Variants in ANKFN1 observed in about 807,000 individuals in gnomAD.
The protein encoded by ANKFN1 is ankyrin repeat and fibronectin type III domain containing 1.
ANKFN1 carries 74 observed loss-of-function variants against 108.7 expected under a neutral mutation model. The observed-to-expected ratio is 0.68, with a 90% CI of 0.56 to 0.83. The LOEUF (loss-of-function observed/expected upper bound fraction) is 0.83. Among genes scored for constraint, ANKFN1 ranks in the 40% least tolerant of loss-of-function variants. ANKFN1 has a pLI of 0.00. For synonymous variants in ANKFN1, 547 were observed against 516.2 expected (o/e 1.06, Z -0.81); for missense variants, 1,505 against 1,382.3 (o/e 1.09, Z -1.41).
At chr17:56,098,825 A>G (rs1367292722) in intron 4 of ANKFN1, among the ~76,000 whole-genome samples, 2 of 151,860 alleles carry the variant, frequency 1.3e-5, no homozygotes, top group Non-Finnish European at 2.9e-5. Context: ...TGCTGCCGAG[A>G]GTAAATCTCT....
At chr17:56,077,121 G>C (rs1276853664) in intron 4 of ANKFN1, among the ~76,000 whole-genome samples, 1 of 152,190 alleles carries the variant, frequency 6.6e-6, no homozygotes, top group African/African-American at 2.4e-5. Flanking sequence ...GTGTGAGGCA[G>C]GTAGATAATA....
At chr17:56,491,658 C>A (rs1181456434) in intron 18 of ANKFN1, among the ~76,000 whole-genome samples, 1 of 152,120 alleles carries the variant, frequency 6.6e-6, no homozygotes, top group East Asian at 1.9e-4. Context: ...AGGATCAAAG[C>A]CTATCATAAT....
At chr17:56,174,707 T>C (rs944170696) in intron 1 of ANKFN1, among the ~76,000 whole-genome samples, 3 of 152,202 alleles carry the variant, frequency 2.0e-5, no homozygotes, top group Non-Finnish European at 4.4e-5. Context: ...CTCTCAAATC[T>C]ATTCACTGAC....
chr17:56,367,957 C>G lies in ANKFN1; in HGVS notation c.602-4689C>G, dbSNP rs759475806. ...TTCTATTTGGTTTAGAGAAAATCCA[C>G]CGAGTTCTTTAAGGTTTAGATGAAG... On this transcript the variant is annotated intron_variant, in intron 6 of 20. Coordinates refer to ENST00000682825, the MANE Select transcript of ANKFN1 (RefSeq NM_001370326.1). 3.9e-5 allele frequency: 8 copies of G among 205,606 alleles called. 1 individual carries two copies. In the South Asian group the frequency reaches 8.6e-4, roughly 22 times the overall value. 12.7% of individuals were successfully genotyped at this position (205,606 alleles called of 1,614,324 possible).
chr17:56,226,017 A>T (rs1476566639), intron 2 of ANKFN1, among the ~76,000 whole-genome samples: 1 of 152,214 alleles, frequency 6.6e-6, no homozygotes, highest in Non-Finnish European at 1.5e-5. Flanking sequence ...TCAGTAGGTG[A>T]GAATGTTCCA....
chr17:56,334,756 G>C (rs537749636), intron 4 of ANKFN1, among the ~76,000 whole-genome samples: 1 of 152,038 alleles, frequency 6.6e-6, no homozygotes, highest in African/African-American at 2.4e-5. Flanking sequence ...TGTTATATCA[G>C]AGCCATACTT....
rs3086033 is a variant in ANKFN1 at position 56,280,008 on chromosome 17, C to CTTTTT, written c.54-46201_54-46197dup. Among the ~76,000 whole-genome samples the CTTTTT allele has an allele frequency of 1.4e-3, 189 of 134,854 alleles. 5 individuals carry two copies. Among genetic ancestry groups the CTTTTT allele is most frequent in the African/African-American group, 5.3e-3 (182 of 34,070 alleles). The allele number at this position is 134,854 out of a possible 152,430, so 88.5% of individuals were successfully genotyped here. A position where few individuals can be genotyped will look rare whatever the true frequency, so the allele number is the denominator to read the frequency against. ...TTTCAGGTTGGGAGCCACATAATGTCTTTTTTTTTTTTTTTTCTCAAGACG... is the reference window on the plus strand; with the variant it reads ...TTTCAGGTTGGGAGCCACATAATGTCTTTTTTTTTTTTTTTTTTTTTCTCAAGACG... On this transcript the variant is annotated intron_variant, in intron 3 of 20. Transcript: ENST00000682825.
chr17:56,398,227 G>A (rs1406675111), intron 8 of ANKFN1, among the ~76,000 whole-genome samples: 2 of 152,096 alleles, frequency 1.3e-5, no homozygotes, highest in African/African-American at 4.8e-5. Context: ...CTGGCACTTG[G>A]TACATGATAC....
intron 3 of ANKFN1, among the ~76,000 whole-genome samples, chr17:56,268,980 C>T (rs1395727088): frequency 3.3e-5 from 5 of 152,158 alleles, no homozygotes; most frequent in African/African-American, 1.2e-4. Context: ...TTCTTTGTGA[C>T]ATTTCCACTG....
intron 4 of ANKFN1, among the ~76,000 whole-genome samples, chr17:56,052,023 C>T (rs995685185): frequency 6.9e-6 from 1 of 145,418 alleles, no homozygotes. Flanking sequence ...CAATGCCATC[C>T]CCATCAAGCT....
chr17:56,248,011 A>T (rs2043156076), intron 3 of ANKFN1, among the ~76,000 whole-genome samples: 1 of 152,228 alleles, frequency 6.6e-6, no homozygotes, highest in Non-Finnish European at 1.5e-5. Flanking sequence ...ACACATTGTC[A>T]TTTCAGAAGA....
At chr17:56,477,709 C>T (rs1362483523) in intron 16 of ANKFN1, 55 bp downstream of exon 16, 1 of 1,566,268 alleles carries the variant, frequency 6.4e-7, no homozygotes, top group African/African-American at 1.4e-5. Context: ...CTCAAGTGAC[C>T]AGCTTGATGT....
chr17:56,478,333 A>G (rs2050580037), intron 16 of ANKFN1, among the ~76,000 whole-genome samples: 1 of 152,144 alleles, frequency 6.6e-6, no homozygotes, highest in South Asian at 2.1e-4. Flanking sequence ...TAAAACAGCC[A>G]TGTTCTTTTT....
At position 56,442,903 on chromosome 17, in the gene ANKFN1, A is replaced by T; in HGVS notation, c.1069A>T (p.Thr357Ser). 1 of 1,613,804 alleles carries T rather than the reference A, an allele frequency of 6.2e-7. No individual in the cohort carries two copies. ...TATGAAAGGATGGGGACCTGCTCAG[A>T]CCACGACACCGGCATGTGCCTCTCC... Reference protein sequence around the residue: ...YNMKGWGPAQTTTPACASPSN... With the variant: ...YNMKGWGPAQSTTPACASPSN... The change falls in exon 10 of 21, where the codon ACC becomes TCC. Residue 357 changes from threonine to serine, a missense_variant. Transcript: ENST00000682825.
intron 15 of ANKFN1, among the ~76,000 whole-genome samples, chr17:56,470,823 C>T (rs952539924): frequency 3.3e-5 from 5 of 152,118 alleles, no homozygotes; most frequent in African/African-American, 9.7e-5. Flanking sequence ...AAAAATCCTC[C>T]TCACCCTTGC....
In ANKFN1 at chr17:56,480,699, G is replaced by A; in HGVS notation, c.1972G>A (p.Gly658Ser). The change falls in exon 17 of 21, where the codon GGC (glycine) becomes AGC (serine). Residue 658 changes from glycine to serine, a missense_variant. By Grantham distance (56) the Gly-to-Ser change is moderately conservative (BLOSUM62 0). Coordinates refer to ENST00000682825, the MANE Select transcript of ANKFN1 (RefSeq NM_001370326.1). Reference sequence around the variant, plus strand: ...ATGGGAATGGATCCAAAAGCTTTCTGGCTCTGAATCTATGGAAAGTGTGGA... The same window carrying A: ...ATGGGAATGGATCCAAAAGCTTTCTAGCTCTGAATCTATGGAAAGTGTGGA... ...EEWEWIQKLS[G>S]SESMESVDHT... 1.2e-6 allele frequency: 2 copies of A among 1,613,940 alleles called. No individual in the cohort carries two copies. Among genetic ancestry groups the A allele is most frequent in the Non-Finnish European group, 1.7e-6 (2 of 1,179,914 alleles).
At chr17:56,330,389 C>T (rs553682640) in intron 4 of ANKFN1, among the ~76,000 whole-genome samples, 12 of 152,244 alleles carry the variant, frequency 7.9e-5, no homozygotes, top group Admixed American at 2.0e-4. Context: ...ACCGCCCCCA[C>T]GATTCAATTA....
chr17:56,186,111 T>A (rs1912176908), intron 1 of ANKFN1, among the ~76,000 whole-genome samples: 1 of 152,196 alleles, frequency 6.6e-6, no homozygotes, highest in South Asian at 2.1e-4. Context: ...AAGTCTTATT[T>A]GTTTTTACAA....
chr17:56,125,626 T>G (rs941523385), intron 4 of ANKFN1, among the ~76,000 whole-genome samples: 1 of 152,226 alleles, frequency 6.6e-6, no homozygotes, highest in Non-Finnish European at 1.5e-5. Context: ...TATGATAGTT[T>G]CCATTTTACA....
Sources: allele counts gnomAD v4.1 joint callset (sites outside exome capture counted in the v4.1 genomes callset), GRCh38; gene constraint gnomAD v4.1.1; transcripts MANE v1.5; gene names NCBI Gene and HGNC (gene_info 2026-07-23, HGNC 2026-07-21).